PCCA: variants seen among roughly 807,000 people sequenced by gnomAD.
PCCA encodes propionyl-CoA carboxylase subunit alpha.
Under a neutral mutation model 101.3 loss-of-function variants are expected in PCCA, and 74 were observed. The ratio of observed to expected loss-of-function variants is 0.73; its 90% CI spans 0.61 to 0.89. The LOEUF (loss-of-function observed/expected upper bound fraction) is 0.89, where lower values mean the gene tolerates loss of function less well. PCCA is among the 40% of genes least tolerant of loss of function. PCCA has a pLI of 0.00. For synonymous variants in PCCA, 294 were observed against 313.6 expected (o/e 0.94, Z 0.66); for missense variants, 891 against 907.0 (o/e 0.98, Z 0.23).
At chr13:100,389,329 T>C (rs1185947339) in intron 19 of PCCA, among the ~76,000 whole-genome samples, 2 of 152,180 alleles carry the variant, frequency 1.3e-5, no homozygotes, top group Non-Finnish European at 2.9e-5. Flanking sequence ...AACGAGATCA[T>C]GTCCTTTTTA....
chr13:100,351,812 A>G (rs867670436), intron 18 of PCCA, among the ~76,000 whole-genome samples: 1 of 152,160 alleles, frequency 6.6e-6, no homozygotes, highest in Admixed American at 6.5e-5. Flanking sequence ...GTTTCCCTTT[A>G]CAGAACTACC....
chr13:100,358,372 A>C (rs544087936), intron 18 of PCCA, among the ~76,000 whole-genome samples: 36 of 152,368 alleles, frequency 2.4e-4, no homozygotes, highest in African/African-American at 7.2e-4. Flanking sequence ...GAGGAAAAGC[A>C]GTCAACAGAA....
chr13:100,465,485 C>G (rs1337278752), intron 21 of PCCA, among the ~76,000 whole-genome samples: 2 of 152,144 alleles, frequency 1.3e-5, no homozygotes, highest in Non-Finnish European at 2.9e-5. Context: ...TCAACTGTAT[C>G]TTTTAAGTTT....
At chr13:100,401,534 G>A (rs2077362548) in intron 19 of PCCA, among the ~76,000 whole-genome samples, 1 of 152,022 alleles carries the variant, frequency 6.6e-6, no homozygotes, top group Non-Finnish European at 1.5e-5. Context: ...GAGCCACCGT[G>A]CCCAGCCAAC....
chr13:100,451,440 C>T (rs1172056799), intron 21 of PCCA, among the ~76,000 whole-genome samples: 1 of 152,080 alleles, frequency 6.6e-6, no homozygotes, highest in African/African-American at 2.4e-5. Context: ...TAAGATGGAC[C>T]TCAGTCGCCT....
chr13:100,320,596 T>G (rs1017430881), intron 16 of PCCA, among the ~76,000 whole-genome samples: 7 of 152,234 alleles, frequency 4.6e-5, no homozygotes. Flanking sequence ...GTGGTTTTTG[T>G]CTTTGGTTCT....
chr13:100,157,874 T>G (rs2054037745), intron 6 of PCCA, among the ~76,000 whole-genome samples: 1 of 152,246 alleles, frequency 6.6e-6, no homozygotes. Flanking sequence ...TGATTTTGAT[T>G]AATGTTTGTA....
At chr13:100,138,278 ATAC>A (rs920213778) in intron 4 of PCCA, among the ~76,000 whole-genome samples, 1 of 152,110 alleles carries the variant, frequency 6.6e-6, no homozygotes, top group African/African-American at 2.4e-5. Flanking sequence ...CTTCAAATTA[ATAC>A]TTTATTGATT....
intron 1 of PCCA, among the ~76,000 whole-genome samples, chr13:100,092,181 C>T (rs914629223): frequency 1.3e-5 from 2 of 152,060 alleles, no homozygotes; most frequent in African/African-American, 4.8e-5. Context: ...TCCCAAAGTG[C>T]TTGGAATTAC....
intron 6 of PCCA, among the ~76,000 whole-genome samples, chr13:100,162,080 ATGTGTGTGTG>A (rs3034650): frequency 1.6e-3 from 236 of 146,926 alleles, no homozygotes; most frequent in Non-Finnish European, 3.2e-3. Flanking sequence ...GTGTGTCTGT[ATGTGTGTGTG>A]TGTGTGTGTG....
At chr13:100,214,407 T>C (rs2059395354) in intron 7 of PCCA, among the ~76,000 whole-genome samples, 1 of 151,674 alleles carries the variant, frequency 6.6e-6, no homozygotes, top group Admixed American at 6.6e-5. Context: ...CGTTTTATAG[T>C]TGTTTTTTTG....
At chr13:100,416,544 T>G (rs201167391) in intron 19 of PCCA, among the ~76,000 whole-genome samples, 1 of 137,724 alleles carries the variant, frequency 7.3e-6, no homozygotes, top group Admixed American at 7.4e-5. Context: ...GTGTATGTAT[T>G]TTTTTTTTTA....
intron 4 of PCCA, among the ~76,000 whole-genome samples, chr13:100,146,001 A>G (rs1027278390): frequency 6.7e-6 from 1 of 149,748 alleles, no homozygotes; most frequent in Non-Finnish European, 1.5e-5. Context: ...CGCTGGTGCA[A>G]TCTCGGCAGC....
At chr13:100,193,645 G>A (rs1056597049) in intron 6 of PCCA, among the ~76,000 whole-genome samples, 3 of 152,116 alleles carry the variant, frequency 2.0e-5, no homozygotes, top group African/African-American at 7.2e-5. Flanking sequence ...ACAAATGTCA[G>A]CTTGGGTCCA....
At chr13:100,338,766 A>G (rs1287396345) in intron 17 of PCCA, among the ~76,000 whole-genome samples, 1 of 149,810 alleles carries the variant, frequency 6.7e-6, no homozygotes, top group Non-Finnish European at 1.5e-5. Flanking sequence ...GTTTTATGTA[A>G]TGTCTAGGTT....
intron 19 of PCCA, among the ~76,000 whole-genome samples, chr13:100,423,059 G>C (rs2152890679): frequency 6.7e-6 from 1 of 150,250 alleles, no homozygotes; most frequent in Non-Finnish European, 1.5e-5. Flanking sequence ...GTTGTTTTCT[G>C]AGTGTTGTTT....
chr13:100,474,205 T>G (rs1385707189), intron 21 of PCCA, among the ~76,000 whole-genome samples: 1 of 152,206 alleles, frequency 6.6e-6, no homozygotes, highest in East Asian at 1.9e-4. Context: ...TGTCATAAAC[T>G]AAACCTCTTT....
At chr13:100,312,001 G>T (rs117687306) in intron 16 of PCCA, among the ~76,000 whole-genome samples, 23 of 152,134 alleles carry the variant, frequency 1.5e-4, no homozygotes, top group Admixed American at 3.3e-4. Flanking sequence ...TGAAATGTTG[G>T]GTTATCCTAT....
chr13:100,426,067 C>G (rs2079129315), intron 20 of PCCA, among the ~76,000 whole-genome samples: 1 of 151,518 alleles, frequency 6.6e-6, no homozygotes, highest in African/African-American at 2.4e-5. Flanking sequence ...TACTTTGTTA[C>G]CTTTCTTTTC....
Sources: allele counts gnomAD v4.1 joint callset (sites outside exome capture counted in the v4.1 genomes callset), GRCh38; gene constraint gnomAD v4.1.1; transcripts MANE v1.5; gene names NCBI Gene and HGNC (gene_info 2026-07-23, HGNC 2026-07-21).